Variants in NFKBIZ observed in about 807,000 individuals in gnomAD.
The protein encoded by NFKBIZ is NFKB inhibitor zeta.
NFKBIZ carries 19 observed loss-of-function variants against 76.8 expected under a neutral mutation model. The observed-to-expected ratio is 0.25, with a 90% confidence interval of 0.17 to 0.36. The LOEUF (loss-of-function observed/expected upper bound fraction) is 0.36, where lower values mean the gene tolerates loss of function less well. Among genes scored for constraint, NFKBIZ ranks in the 10% least tolerant of loss-of-function variants. The pLI, the probability that NFKBIZ is intolerant of heterozygous loss-of-function variation, is 1.00. For synonymous variants in NFKBIZ, 368 were observed against 354.8 expected (o/e 1.04, Z -0.42); for missense variants, 829 against 910.9 (o/e 0.91, Z 1.16).
intron 3 of NFKBIZ, 57 bp downstream of exon 3, chr3:101,852,825 T>C (rs1465910806): frequency 6.3e-7 from 1 of 1,599,932 alleles, no homozygotes; most frequent in Non-Finnish European, 8.5e-7. Context: ...TAATAGAGTG[T>C]AATTATGGGT....
chr3:101,846,807 G>C (rs1346922359), upstream of NFKBIZ, among the ~76,000 whole-genome samples: 1 of 152,210 alleles, frequency 6.6e-6, no homozygotes, highest in Non-Finnish European at 1.5e-5. Flanking sequence ...TGTAGAAAGA[G>C]ATTTATTATG....
chr3:101,849,320 G>A, upstream of NFKBIZ: 1 of 257,636 alleles, frequency 3.9e-6, no homozygotes. Flanking sequence ...CGGTCTGGGC[G>A]GAGCCGGGCG....
At chr3:101,851,600 T>C (rs1161735632) in intron 1 of NFKBIZ, among the ~76,000 whole-genome samples, 1 of 152,254 alleles carries the variant, frequency 6.6e-6, no homozygotes, top group African/African-American at 2.4e-5. Flanking sequence ...AAAATTTCTA[T>C]GTGAACATAA....
At position 101,829,883 on chromosome 3, in the gene NFKBIZ, G is replaced by T. The variant is rs542254834; in HGVS notation, c.-12+195G>T. On this transcript the variant is annotated intron_variant, in intron 2 of 12. Coordinates refer to the NFKBIZ transcript ENST00000394054. Reference sequence around the variant, plus strand: ...TTTCATGAGAACTAAGATTTTTTGTGTGTGTGTGTGTGTGTGTGGTTTAGT... The same window carrying T: ...TTTCATGAGAACTAAGATTTTTTGTTTGTGTGTGTGTGTGTGTGGTTTAGT... 7.7e-3 allele frequency among the ~76,000 whole-genome samples: 1,172 copies of T among 151,914 alleles called. 17 individuals carry two copies. Among genetic ancestry groups the T allele is most frequent in the African/African-American group, 0.027 (1,118 of 41,412 alleles).
intron 2 of NFKBIZ, among the ~76,000 whole-genome samples, chr3:101,842,919 T>C (rs958198445): frequency 6.7e-6 from 1 of 149,940 alleles, no homozygotes; most frequent in African/African-American, 2.5e-5. Flanking sequence ...ATGAGTCCAA[T>C]CTGGAACTTT....
intron 2 of NFKBIZ, among the ~76,000 whole-genome samples, chr3:101,831,556 C>A (rs1942647364): frequency 6.6e-6 from 1 of 151,914 alleles, no homozygotes; most frequent in Non-Finnish European, 1.5e-5. Context: ...TTTTTAGTTT[C>A]TTTTCTTTTC....
chr3:101,857,381 G>C lies in NFKBIZ; in HGVS notation c.2025G>C (p.Lys675Asn), dbSNP rs769555357. ...ATGCTGTCCGCCTGTTGATGAGGAA[G>C]GGAGCAGACCCAAGTACTCGGAACT... is the stretch of plus-strand genomic sequence containing the variant. Reference protein sequence around the residue: ...QLDAVRLLMRKGADPSTRNLE... With the variant: ...QLDAVRLLMRNGADPSTRNLE... Residue 675 changes from lysine to asparagine, a missense_variant, in exon 11 of 12, where the codon AAG (lysine) becomes AAC (asparagine). By Grantham distance (94) the Lys-to-Asn change is moderately conservative (BLOSUM62 0). Transcript: ENST00000326172. The C allele has an allele frequency of 1.2e-6, 2 of 1,614,256 alleles. No individual in the cohort carries two copies. Among genetic ancestry groups the C allele is most frequent in the South Asian group, 2.2e-5 (2 of 91,088 alleles).
chr3:101,846,407 GT>G (rs1483662812), upstream of NFKBIZ, among the ~76,000 whole-genome samples: 1 of 152,206 alleles, frequency 6.6e-6, no homozygotes, highest in Non-Finnish European at 1.5e-5. Flanking sequence ...GATATTAACT[GT>G]TTTTGATGTG....
chr3:101,852,292 A>T lies in NFKBIZ; in HGVS notation c.429+68A>T, dbSNP rs999856663. 6.4e-6 allele frequency: 10 copies of T among 1,553,278 alleles called. No homozygotes were observed. In the African/African-American group the frequency reaches 1.1e-4, roughly 17 times the overall value. On this transcript the variant is annotated intron_variant, in intron 2 of 11. Transcript: ENST00000326172. Reference sequence around the variant, plus strand: ...GGGTTAGTCTGTCAGGGTTATTATGATGACCTAGGTCCAGTCATCAAGTAA... The same window carrying T: ...GGGTTAGTCTGTCAGGGTTATTATGTTGACCTAGGTCCAGTCATCAAGTAA...
At position 101,860,811 on chromosome 3, in the gene NFKBIZ, A is replaced by AAG. The variant is rs1943122752; in HGVS notation, c.*1441_*1442insGA. ...AACCTTTTTTTTTTAAAAAAAAAAA[A>AAG]AAAGAAAATCTCATTAGTGAACTTA... On this transcript the variant is annotated 3_prime_UTR_variant, in exon 12 of 12. Coordinates refer to ENST00000326172, the MANE Select transcript of NFKBIZ (RefSeq NM_031419.4). 6.6e-6 allele frequency: 1 copy of AAG among 151,814 alleles called. No individual in the cohort carries two copies. The highest frequency in any genetic ancestry group is 1.5e-5 in the Non-Finnish European group (1 of 67,948). 9.4% of individuals were successfully genotyped at this position (151,814 alleles called of 1,614,324 possible).
chr3:101,840,505 C>A (rs1237715778), intron 2 of NFKBIZ, among the ~76,000 whole-genome samples: 3 of 152,040 alleles, frequency 2.0e-5, no homozygotes, highest in Admixed American at 2.0e-4. Context: ...GAACCATATG[C>A]ATTTTATAGT....
rs549698219 is a variant in NFKBIZ at position 101,853,319 on chromosome 3, C to T, written c.793C>T (p.Pro265Ser). 2 of 1,614,150 alleles carry T rather than the reference C, an allele frequency of 1.2e-6. No homozygotes were observed. The highest frequency in any genetic ancestry group is 4.5e-5 in the East Asian group (2 of 44,888). Residue 265 changes from proline to serine, a missense_variant, in exon 5 of 12, where the codon CCA (proline) becomes TCA (serine). Transcript: ENST00000326172. ...QDFHGGQVFS[P>S]PQKCQPFQVR... is the part of the protein sequence containing the mutation. Reference sequence around the variant, plus strand: ...CTTCCATGGAGGGCAGGTCTTTTCTCCACCTCAGAAATGCCAACCATTCCA... The same window carrying T: ...CTTCCATGGAGGGCAGGTCTTTTCTTCACCTCAGAAATGCCAACCATTCCA...
At position 101,855,717 on chromosome 3, in the gene NFKBIZ, T is replaced by G. The variant is rs367975100; in HGVS notation, c.1655-16T>G. The G allele has an allele frequency of 1.3e-6, 2 of 1,574,138 alleles. No homozygotes were observed. The highest frequency in any genetic ancestry group is 1.9e-5 in the Admixed American group (1 of 51,440). On this transcript the variant is annotated splice_polypyrimidine_tract_variant and intron_variant, in intron 8 of 11. Transcript: ENST00000326172. ...ATGGGATGCTTGACCACTGCTTGAT[T>G]ATACTTTTCTTCTAGGCCTGACTCC...
chr3:101,849,695 T>C lies in NFKBIZ; in HGVS notation c.67T>C (p.Cys23Arg). Residue 23 changes from cysteine to arginine, a missense_variant, in exon 1 of 12, where the codon TGC (cysteine) becomes CGC (arginine). Physicochemically the swap from Cys to Arg is radical, Grantham distance 180 (BLOSUM62 -3). Coordinates refer to ENST00000326172, the MANE Select transcript of NFKBIZ (RefSeq NM_031419.4). ...GGGGCTGCGGGACGCGGCGGGCGGC[T>C]GCGGCCTCATGACCAGCCCGCTCAA... ...GEGLRDAAGG[C>R]GLMTSPLNLS... 2 of 1,395,892 alleles carry C rather than the reference T, an allele frequency of 1.4e-6. No individual in the cohort carries two copies. The highest frequency in any genetic ancestry group is 1.6e-5 in the South Asian group (1 of 63,490). 86.5% of individuals were successfully genotyped at this position (1,395,892 alleles called of 1,614,324 possible).
At chr3:101,846,623 T>C (rs1302905365), upstream of NFKBIZ, among the ~76,000 whole-genome samples, 1 of 152,246 alleles carries the variant, frequency 6.6e-6, no homozygotes, top group African/African-American at 2.4e-5. Context: ...AACAGGAGGA[T>C]AATTAATTTT....
intron 8 of NFKBIZ, 58 bp downstream of exon 8, chr3:101,855,516 A>T: frequency 6.7e-7 from 1 of 1,491,296 alleles, no homozygotes; most frequent in East Asian, 2.3e-5. Context: ...ATAAGGTCTA[A>T]GGGTGCTAAG....
intron 2 of NFKBIZ, among the ~76,000 whole-genome samples, chr3:101,843,978 A>T (rs1275576111): frequency 6.6e-6 from 1 of 152,236 alleles, no homozygotes; most frequent in Non-Finnish European, 1.5e-5. Flanking sequence ...GAATTTTATT[A>T]TTGGCAACAA....
At chr3:101,856,480 T>G (rs1373576484) in intron 9 of NFKBIZ, among the ~76,000 whole-genome samples, 1 of 152,248 alleles carries the variant, frequency 6.6e-6, no homozygotes, top group East Asian at 1.9e-4. Context: ...TGCTTGAAAT[T>G]GATATTGTCA....
chr3:101,843,392 A>G (rs1295361389), intron 2 of NFKBIZ, among the ~76,000 whole-genome samples: 1 of 152,208 alleles, frequency 6.6e-6, no homozygotes, highest in Non-Finnish European at 1.5e-5. Flanking sequence ...ACAATGAGCT[A>G]TAATCATGCC....
Sources: gnomAD v4.1 joint callset for allele counts (sites outside exome capture counted in the v4.1 genomes callset) on GRCh38, gnomAD v4.1.1 for gene constraint, MANE v1.5 for transcripts, NCBI Gene and HGNC (gene_info 2026-07-23, HGNC 2026-07-21) for gene names.